PRKACB: variants seen among roughly 807,000 people sequenced by gnomAD.
PRKACB encodes the protein cAMP-dependent protein kinase catalytic subunit beta.
Under a neutral mutation model 51.4 loss-of-function variants are expected in PRKACB, and 16 were observed. The ratio of observed to expected loss-of-function variants is 0.31; its 90% CI spans 0.21 to 0.47. The LOEUF (loss-of-function observed/expected upper bound fraction) is 0.47, where lower values mean the gene tolerates loss of function less well. PRKACB is among the 20% of genes least tolerant of loss of function. The probability of loss-of-function intolerance (pLI) is 1.00; values close to 1 mark genes in which losing one functional copy is unlikely to be tolerated. For missense variants in PRKACB, 309 were observed against 464.5 expected (o/e 0.67, Z 3.08); for synonymous variants, 147 against 154.4 (o/e 0.95, Z 0.35).
intron 8 of PRKACB, among the ~76,000 whole-genome samples, chr1:84,209,442 G>A (rs1009971904): frequency 7.2e-5 from 11 of 152,006 alleles, no homozygotes; most frequent in Non-Finnish European, 1.3e-4. Flanking sequence ...AGTTGGTCAG[G>A]CCAAGACACC....
intron 3 of PRKACB, among the ~76,000 whole-genome samples, chr1:84,183,124 T>C (rs552366310): frequency 1.3e-5 from 2 of 152,204 alleles, no homozygotes; most frequent in South Asian, 4.1e-4. Context: ...TATATTTAAC[T>C]TCTTGACTTC....
chr1:84,094,522 T>A (rs1648771534), intron 1 of PRKACB, among the ~76,000 whole-genome samples: 1 of 151,950 alleles, frequency 6.6e-6, no homozygotes, highest in Admixed American at 6.6e-5. Context: ...TTTCAAATAT[T>A]TGGGGGTTTT....
chr1:84,114,660 T>C (rs959205419), intron 1 of PRKACB, among the ~76,000 whole-genome samples: 2 of 152,170 alleles, frequency 1.3e-5, no homozygotes, highest in African/African-American at 4.8e-5. Context: ...TTCACTTCTC[T>C]TCAGCCTCAC....
chr1:84,151,061 C>T (rs1013848306), intron 1 of PRKACB, among the ~76,000 whole-genome samples: 6 of 152,088 alleles, frequency 3.9e-5, no homozygotes, highest in Admixed American at 3.9e-4. Context: ...CACATAGTTA[C>T]TTTTTCATGG....
intron 1 of PRKACB, among the ~76,000 whole-genome samples, chr1:84,128,166 G>A (rs1409533978): frequency 6.6e-6 from 1 of 150,670 alleles, no homozygotes; most frequent in East Asian, 1.9e-4. Context: ...CCACCACCAC[G>A]CCCAGCTAAT....
At chr1:84,078,588 A>G (rs761020649) in intron 1 of PRKACB, among the ~76,000 whole-genome samples, 2 of 152,124 alleles carry the variant, frequency 1.3e-5, no homozygotes, top group African/African-American at 2.4e-5. Context: ...GGATGTGGGG[A>G]TCCTGGGAAG....
At chr1:84,177,508 A>C (rs1661702619) in intron 1 of PRKACB, among the ~76,000 whole-genome samples, 2 of 152,090 alleles carry the variant, frequency 1.3e-5, no homozygotes, top group Non-Finnish European at 2.9e-5. Context: ...TGGGAGGCTG[A>C]GCCAGAAAGT....
intron 7 of PRKACB, among the ~76,000 whole-genome samples, chr1:84,199,192 T>C (rs1356618712): frequency 6.6e-6 from 1 of 151,270 alleles, no homozygotes; most frequent in African/African-American, 2.4e-5. Context: ...CATGTGAAGG[T>C]TGGTTACAGA....
intron 5 of PRKACB, among the ~76,000 whole-genome samples, chr1:84,189,505 G>T (rs911602904): frequency 6.6e-6 from 1 of 151,378 alleles, no homozygotes; most frequent in African/African-American, 2.4e-5. Context: ...TTGAAGGAGG[G>T]AGTTATCAAC....
At chr1:84,117,659 A>G (rs1365431810) in intron 1 of PRKACB, among the ~76,000 whole-genome samples, 1 of 151,686 alleles carries the variant, frequency 6.6e-6, no homozygotes, top group African/African-American at 2.4e-5. Flanking sequence ...CTGCTTTTTC[A>G]TTTCTGATTT....
chr1:84,096,204 A>G (rs1648916122), intron 1 of PRKACB, among the ~76,000 whole-genome samples: 1 of 151,988 alleles, frequency 6.6e-6, no homozygotes, highest in Non-Finnish European at 1.5e-5. Flanking sequence ...TTTTGACTGA[A>G]GGCCTGGTGG....
intron 5 of PRKACB, among the ~76,000 whole-genome samples, chr1:84,194,315 G>C (rs1667608027): frequency 6.6e-6 from 1 of 152,116 alleles, no homozygotes; most frequent in Admixed American, 6.5e-5. Flanking sequence ...GGTACTAAAA[G>C]GATAGCAAGT....
chr1:84,096,528 G>A (rs1648937207), intron 1 of PRKACB, among the ~76,000 whole-genome samples: 1 of 152,010 alleles, frequency 6.6e-6, no homozygotes, highest in Non-Finnish European at 1.5e-5. Flanking sequence ...TACCAATTGA[G>A]GAAATGCCCT....
intron 1 of PRKACB, among the ~76,000 whole-genome samples, chr1:84,156,833 G>GA (rs1160175621): frequency 1.3e-5 from 2 of 152,034 alleles, no homozygotes; most frequent in Admixed American, 1.3e-4. Flanking sequence ...TCTCTCAGGA[G>GA]AAAAAATGGG....
rs571057736 is a variant in PRKACB at position 84,228,461 on chromosome 1, C to T, written c.1072-6719C>T. On this transcript the variant is annotated intron_variant, in intron 9 of 9. Transcript: ENST00000370685. ...CTTCCTCACAGTGTTGTACTGAGAA[C>T]AGAATAAAGCAACTGTAATTGTTTG... Among the ~76,000 whole-genome samples, 4 of 151,988 alleles carry T rather than the reference C, an allele frequency of 2.6e-5. No homozygotes were observed. In the East Asian group the frequency reaches 7.7e-4, roughly 29 times the overall value.
intron 1 of PRKACB, among the ~76,000 whole-genome samples, chr1:84,084,287 A>G (rs1323963441): frequency 6.6e-6 from 1 of 152,144 alleles, no homozygotes; most frequent in Non-Finnish European, 1.5e-5. Flanking sequence ...TAAGTTGCCC[A>G]TTATGATTAA....
intron 9 of PRKACB, among the ~76,000 whole-genome samples, chr1:84,227,509 C>T (rs1028029059): frequency 2.0e-5 from 3 of 152,048 alleles, no homozygotes; most frequent in African/African-American, 7.2e-5. Flanking sequence ...AAATCTTCTG[C>T]CAAATAGCAG....
chr1:84,173,557 T>C (rs191613971), intron 1 of PRKACB, among the ~76,000 whole-genome samples: 1 of 151,710 alleles, frequency 6.6e-6, no homozygotes, highest in East Asian at 2.0e-4. Flanking sequence ...GAGGTAGATA[T>C]TTGAATAGGG....
At chr1:84,108,531 T>TATA (rs1233605550) in intron 1 of PRKACB, among the ~76,000 whole-genome samples, 1 of 151,994 alleles carries the variant, frequency 6.6e-6, no homozygotes, top group Non-Finnish European at 1.5e-5. Context: ...AAATTGAGAT[T>TATA]ATAATAATAA....
Sources: allele counts gnomAD v4.1 joint callset (sites outside exome capture counted in the v4.1 genomes callset), GRCh38; gene constraint gnomAD v4.1.1; transcripts MANE v1.5; gene names NCBI Gene and HGNC (gene_info 2026-07-23, HGNC 2026-07-21).